Variants in PDZD2 observed in about 807,000 individuals in gnomAD.
The protein encoded by PDZD2 is PDZ domain containing 2.
A neutral mutation model predicts 220.7 loss-of-function variants in PDZD2; 90 were observed. That is an observed-to-expected ratio of 0.41 (90% CI 0.34 to 0.49). The LOEUF is 0.49. PDZD2 is among the 20% of genes least tolerant of loss of function. The pLI, the probability that PDZD2 is intolerant of heterozygous loss-of-function variation, is 0.28. For missense variants in PDZD2, 3,174 were observed against 3,608.5 expected (o/e 0.88, Z 3.08); for synonymous variants, 1,375 against 1,450.5 (o/e 0.95, Z 1.18).
In PDZD2 at chr5:32,091,089, A is replaced by C. The variant is rs1383449422; in HGVS notation, c.7641A>C (p.Lys2547Asn). 7.5e-6 allele frequency: 12 copies of C among 1,609,466 alleles called. No individual in the cohort carries two copies. The highest frequency in any genetic ancestry group is 1.0e-5 in the Non-Finnish European group (12 of 1,176,312). ...NRACPGGSGP[K>N]TSAAETPSSA... ...CCTGTCCAGGAGGAAGTGGCCCTAA[A>C]ACCAGTGCTGCTGAGACACCCAGTT... is the stretch of plus-strand genomic sequence containing the variant. The change falls in exon 20 of 25, where the codon AAA becomes AAC. Residue 2547 changes from lysine (K) to asparagine (N), a missense_variant. By Grantham distance (94) the Lys-to-Asn change is moderately conservative. Coordinates refer to ENST00000438447, the MANE Select transcript of PDZD2 (RefSeq NM_178140.4).
At chr5:31,781,066 T>A (rs967512544) in intron 1 of PDZD2, among the ~76,000 whole-genome samples, 4 of 152,202 alleles carry the variant, frequency 2.6e-5, no homozygotes, top group Admixed American at 2.6e-4. Flanking sequence ...TAGGCCCTTC[T>A]TTAAAGCTGA....
In PDZD2 at chr5:31,995,652, G is replaced by A. The variant is rs767172892; in HGVS notation, c.1055G>A (p.Arg352Gln). ...CTGGGAATTCAGGTTAGTGGAGGCC[G>A]AGGATCAAAGCGCTCACCTCACGCT... The part of the protein sequence containing the change: ...DGLGIQVSGG[R>Q]GSKRSPHAIV... The change falls in exon 4 of 25, where the codon CGA becomes CAA. Residue 352 changes from arginine to glutamine, a missense_variant. Physicochemically the swap from Arg to Gln is conservative, Grantham distance 43. Around this residue, in one of 4 missense-constraint regions of PDZD2, gnomAD observed 632 missense variants for 708.1 expected, o/e 0.89. Transcript: ENST00000438447. 19 of 1,613,968 alleles carry A rather than the reference G, an allele frequency of 1.2e-5. No homozygotes were observed. The highest frequency in any genetic ancestry group is 3.3e-5 in the South Asian group (3 of 91,064).
intron 5 of PDZD2, among the ~76,000 whole-genome samples, chr5:32,004,247 G>A (rs1487082368): frequency 6.6e-6 from 1 of 152,152 alleles, no homozygotes; most frequent in African/African-American, 2.4e-5. Flanking sequence ...TGCCCACAGG[G>A]TGCCAGGTGG....
intron 1 of PDZD2, among the ~76,000 whole-genome samples, chr5:31,652,778 A>G (rs1307681979): frequency 6.6e-6 from 1 of 152,194 alleles, no homozygotes; most frequent in Non-Finnish European, 1.5e-5. Context: ...TGGGAGGCCA[A>G]GGCAGGCGGA....
intron 2 of PDZD2, among the ~76,000 whole-genome samples, chr5:31,938,417 T>C (rs1181117951): frequency 6.6e-6 from 1 of 152,164 alleles, no homozygotes; most frequent in East Asian, 1.9e-4. Flanking sequence ...GTCCCAACAA[T>C]AGTAAAGAAA....
Position 31,673,933 on chromosome 5 carries a change from T to C in PDZD2, c.-361+34496T>C, listed in dbSNP as rs190381784. 5.0e-4 allele frequency among the ~76,000 whole-genome samples: 76 copies of C among 152,118 alleles called. 1 individual carries two copies. The highest frequency in any genetic ancestry group is 9.8e-4 in the Non-Finnish European group (67 of 68,028). On this transcript the variant is annotated intron_variant, in intron 1 of 24. Transcript: ENST00000438447. ...TTGCAGTGAGCTGAGATCACGCCACTGTACTCCAGCCTGGGCAACAGAGCA... is the reference window on the plus strand; with the variant it reads ...TTGCAGTGAGCTGAGATCACGCCACCGTACTCCAGCCTGGGCAACAGAGCA...
At chr5:31,899,904 T>G (rs1468252210) in intron 2 of PDZD2, among the ~76,000 whole-genome samples, 2 of 152,236 alleles carry the variant, frequency 1.3e-5, no homozygotes, top group East Asian at 3.8e-4. Context: ...GGCCTTGATC[T>G]TGGGCTTGCC....
intron 2 of PDZD2, among the ~76,000 whole-genome samples, chr5:31,808,189 G>A (rs1054727642): frequency 1.8e-4 from 27 of 152,168 alleles, no homozygotes; most frequent in Admixed American, 3.9e-4. Context: ...GGTGCCTGAC[G>A]CTCTGTGCAG....
At chr5:31,984,584 G>C (rs112621574) in intron 3 of PDZD2, among the ~76,000 whole-genome samples, 23 of 152,078 alleles carry the variant, frequency 1.5e-4, no homozygotes, top group African/African-American at 5.6e-4. Flanking sequence ...GCTTGTGACT[G>C]TAGTCCCAGC....
intron 5 of PDZD2, among the ~76,000 whole-genome samples, chr5:32,008,509 C>A (rs1753034140): frequency 6.6e-6 from 1 of 152,126 alleles, no homozygotes; most frequent in Non-Finnish European, 1.5e-5. Context: ...TGGTCTTGAA[C>A]TCCTGACCTC....
intron 2 of PDZD2, among the ~76,000 whole-genome samples, chr5:31,894,915 G>A (rs553706414): frequency 6.6e-6 from 1 of 152,018 alleles, no homozygotes; most frequent in East Asian, 1.9e-4. Context: ...CCTTGATGGA[G>A]TCTCACCCCA....
chr5:31,887,412 C>CT (rs1166592831), intron 2 of PDZD2, among the ~76,000 whole-genome samples: 1 of 152,128 alleles, frequency 6.6e-6, no homozygotes, highest in Non-Finnish European at 1.5e-5. Context: ...GTGGAGAGAC[C>CT]ACATTCGGAG....
chr5:31,934,300 C>G (rs1640390497), intron 2 of PDZD2, among the ~76,000 whole-genome samples: 1 of 152,178 alleles, frequency 6.6e-6, no homozygotes, highest in Admixed American at 6.6e-5. Context: ...AAGGTGAGTT[C>G]CAGGAAGTTA....
At chr5:31,815,394 A>C (rs1245624460) in intron 2 of PDZD2, among the ~76,000 whole-genome samples, 5 of 152,304 alleles carry the variant, frequency 3.3e-5, no homozygotes, top group East Asian at 3.9e-4. Context: ...TTTTCCCCAC[A>C]AGAGACAGCT....
rs184260686 is a variant in PDZD2, at chr5:32,060,472, A to G, written c.2319-530A>G. On this transcript the variant is annotated intron_variant, in intron 13 of 24. Coordinates refer to ENST00000438447, the MANE Select transcript of PDZD2 (RefSeq NM_178140.4). Reference sequence around the variant, plus strand: ...GTTGGGTAACCTTTGAGCCTCAGCTATTTCCTCCTTAAGTTATATTATAAT... The same window carrying G: ...GTTGGGTAACCTTTGAGCCTCAGCTGTTTCCTCCTTAAGTTATATTATAAT... 7.2e-5 allele frequency among the ~76,000 whole-genome samples: 11 copies of G among 152,320 alleles called. No individual in the cohort carries two copies. In the East Asian group the frequency reaches 1.9e-3, roughly 27 times the overall value.
chr5:31,836,408 T>C lies in PDZD2; in HGVS notation c.476+36684T>C, dbSNP rs184214032. On this transcript the variant is annotated intron_variant, in intron 2 of 24. Transcript: ENST00000438447. ...CACCACACCTGGCTAATTTTTGTATTGTAAAGACGGGGTTTTGCTGTGTTG... is the reference window on the plus strand; with the variant it reads ...CACCACACCTGGCTAATTTTTGTATCGTAAAGACGGGGTTTTGCTGTGTTG... Among the ~76,000 whole-genome samples, 157 of 152,090 alleles carry C rather than the reference T, an allele frequency of 1.0e-3. 1 individual carries two copies. The highest frequency in any genetic ancestry group is 3.7e-3 in the African/African-American group (152 of 41,490).
intron 5 of PDZD2, among the ~76,000 whole-genome samples, chr5:32,003,928 T>C (rs965248837): frequency 6.6e-6 from 1 of 152,108 alleles, no homozygotes; most frequent in African/African-American, 2.4e-5. Context: ...GCCAGGCTGG[T>C]CTTAAACTCC....
intron 2 of PDZD2, among the ~76,000 whole-genome samples, chr5:31,976,941 C>T (rs1749839785): frequency 6.6e-6 from 1 of 151,592 alleles, no homozygotes; most frequent in African/African-American, 2.4e-5. Flanking sequence ...TGGTCTCGAA[C>T]TCCTGACCCC....
chr5:32,018,618 G>T (rs1005496054), intron 6 of PDZD2, among the ~76,000 whole-genome samples: 1 of 152,192 alleles, frequency 6.6e-6, no homozygotes, highest in African/African-American at 2.4e-5. Flanking sequence ...GCACCAACCC[G>T]CAGCAGGCGG....
Sources: gnomAD v4.1 joint callset for allele counts (sites outside exome capture counted in the v4.1 genomes callset) on GRCh38, gnomAD v4.1.1 for gene constraint, gnomAD v4.1.1 regional missense constraint, MANE v1.5 for transcripts, NCBI Gene and HGNC (gene_info 2026-07-23, HGNC 2026-07-21) for gene names.